Variants in WDR72 observed in about 807,000 individuals in gnomAD.
WDR72 encodes the protein WD repeat-containing protein 72.
Under a neutral mutation model 124.2 loss-of-function variants are expected in WDR72, and 120 were observed. That is an observed-to-expected ratio of 0.97 (90% CI 0.83 to 1.12). WDR72 has a LOEUF of 1.12. WDR72 is among the 50% of genes most tolerant of loss of function. The probability of loss-of-function intolerance (pLI) is 0.00; values close to 1 mark genes in which losing one functional copy is unlikely to be tolerated. For missense variants in WDR72, 1,387 were observed against 1,278.8 expected, an observed-to-expected ratio of 1.08 and a Z score of -1.29; for synonymous variants, 452 against 441.7, an observed-to-expected ratio of 1.02 and a Z score of -0.29.
chr15:53,661,085 T>A (rs1000543184), intron 14 of WDR72, among the ~76,000 whole-genome samples: 1 of 152,156 alleles, frequency 6.6e-6, no homozygotes, highest in Non-Finnish European at 1.5e-5. Context: ...TGAAGAATTG[T>A]CTATGGTCGC....
chr15:53,728,229 A>AG (rs1595877758), intron 2 of WDR72, among the ~76,000 whole-genome samples: 1 of 152,224 alleles, frequency 6.6e-6, no homozygotes, highest in African/African-American at 2.4e-5. Context: ...AGATATTGGC[A>AG]GGGAAACTCC....
rs1891438452 is a variant in WDR72 at position 53,515,964 on chromosome 15, C to T, written c.*1735G>A. 6.6e-6 allele frequency: 1 copy of T among 152,022 alleles called. No individual in the cohort carries two copies. The highest frequency in any genetic ancestry group is 6.6e-5 in the Admixed American group (1 of 15,256). The allele number at this position is 152,022 out of a possible 1,614,324, so 9.4% of individuals were successfully genotyped here. A position where few individuals can be genotyped will look rare whatever the true frequency, so the allele number is the denominator to read the frequency against. On this transcript the variant is annotated 3_prime_UTR_variant, in exon 20 of 20. Coordinates refer to ENST00000360509, the MANE Select transcript of WDR72 (RefSeq NM_182758.4). ...ACACTTATTTGATATTGCCATCCTTCAAAATGCTTTTGGGAGTCCTTATAA... is the reference window on the plus strand; with the variant it reads ...ACACTTATTTGATATTGCCATCCTTTAAAATGCTTTTGGGAGTCCTTATAA...
intron 14 of WDR72, among the ~76,000 whole-genome samples, chr15:53,623,721 C>T (rs2014096831): frequency 1.3e-5 from 2 of 152,134 alleles, no homozygotes; most frequent in African/African-American, 4.8e-5. Flanking sequence ...GAAATCTCCA[C>T]ACTGCCTTCC....
chr15:53,700,095 TA>T, intron 12 of WDR72, 150 bp from the exon 13 acceptor site: 1 of 874,668 alleles, frequency 1.1e-6, no homozygotes, highest in Non-Finnish European at 1.8e-6. Context: ...ACCTTTCATG[TA>T]ACCCTCTACA....
intron 19 of WDR72, among the ~76,000 whole-genome samples, chr15:53,519,726 C>G (rs1891679413): frequency 6.6e-6 from 1 of 151,986 alleles, no homozygotes; most frequent in South Asian, 2.1e-4. Flanking sequence ...GGGTATACAG[C>G]TTGAACCCAT....
intron 14 of WDR72, among the ~76,000 whole-genome samples, chr15:53,639,118 C>T (rs8031981): frequency 0.72 from 109,498 of 151,932 alleles, 39,529 homozygotes; most frequent in South Asian, 0.76. Context: ...TATCTAGATA[C>T]TACCTTTTCT....
chr15:53,656,328 CAG>C (rs2015419588), intron 14 of WDR72, among the ~76,000 whole-genome samples: 1 of 152,004 alleles, frequency 6.6e-6, no homozygotes, highest in African/African-American at 2.4e-5. Flanking sequence ...ACTATTAAAA[CAG>C]AATTCAGAAA....
chr15:53,757,020 G>T (rs745321534), intron 1 of WDR72, among the ~76,000 whole-genome samples: 28 of 152,006 alleles, frequency 1.8e-4, no homozygotes, highest in Non-Finnish European at 1.5e-5. Flanking sequence ...AAGTTCAAAG[G>T]GGCCCAAATG....
intron 15 of WDR72, among the ~76,000 whole-genome samples, chr15:53,614,861 C>T (rs967780773): frequency 6.6e-6 from 1 of 152,050 alleles, no homozygotes; most frequent in Non-Finnish European, 1.5e-5. Flanking sequence ...TCAAAAGCAA[C>T]AGTTATTACT....
At chr15:53,661,010 C>T (rs1567011340) in intron 14 of WDR72, among the ~76,000 whole-genome samples, 2 of 152,138 alleles carry the variant, frequency 1.3e-5, no homozygotes, top group Non-Finnish European at 2.9e-5. Flanking sequence ...ACAACCAGTG[C>T]ATCACCTCTA....
chr15:53,704,984 G>A lies in WDR72; in HGVS notation c.1348+4C>T. Reference sequence around the variant, plus strand: ...ATAAATAGGGTCAAATAAAATTCAAGGACCTTTTACTAAAGAACCACCTTC... The same window carrying A: ...ATAAATAGGGTCAAATAAAATTCAAAGACCTTTTACTAAAGAACCACCTTC... On this transcript the variant is annotated splice_donor_region_variant and intron_variant, in intron 11 of 19. Coordinates refer to ENST00000360509, the MANE Select transcript of WDR72 (RefSeq NM_182758.4). 2.5e-6 allele frequency: 4 copies of A among 1,613,592 alleles called. No homozygotes were observed. The South Asian group carries it at 3.3e-5, about 13-fold the overall frequency.
At chr15:53,735,024 T>G (rs1040154037) in intron 1 of WDR72, among the ~76,000 whole-genome samples, 2 of 152,208 alleles carry the variant, frequency 1.3e-5, no homozygotes, top group African/African-American at 4.8e-5. Flanking sequence ...CTAGGCGCAG[T>G]GTCTCAGGCC....
chr15:53,582,316 A>G (rs956722395), intron 18 of WDR72, among the ~76,000 whole-genome samples: 3 of 151,724 alleles, frequency 2.0e-5, no homozygotes, highest in Non-Finnish European at 2.9e-5. Flanking sequence ...AGTAAAACCT[A>G]CTCCTGTAGT....
At chr15:53,735,983 G>C (rs1157836472) in intron 1 of WDR72, among the ~76,000 whole-genome samples, 1 of 151,826 alleles carries the variant, frequency 6.6e-6, no homozygotes, top group African/African-American at 2.4e-5. Flanking sequence ...ATAGACCCAA[G>C]TGAAGGGAGA....
At chr15:53,600,065 A>AGTGT (rs2012974289) in intron 17 of WDR72, among the ~76,000 whole-genome samples, 1 of 152,182 alleles carries the variant, frequency 6.6e-6, no homozygotes, top group Admixed American at 6.6e-5. Flanking sequence ...ATTTAAACTC[A>AGTGT]GTGTGAGATG....
At chr15:53,595,168 C>CA (rs1335792817) in intron 18 of WDR72, among the ~76,000 whole-genome samples, 1 of 152,072 alleles carries the variant, frequency 6.6e-6, no homozygotes, top group African/African-American at 2.4e-5. Context: ...AGATTAACCA[C>CA]AAATTTTCTT....
chr15:53,677,122 G>A (rs1157542913), intron 13 of WDR72, among the ~76,000 whole-genome samples: 3 of 151,892 alleles, frequency 2.0e-5, no homozygotes, highest in Admixed American at 6.6e-5. Context: ...GGGTTTCACT[G>A]TGTTAGCCAG....
At chr15:53,641,359 G>C (rs2014843879) in intron 14 of WDR72, among the ~76,000 whole-genome samples, 1 of 151,914 alleles carries the variant, frequency 6.6e-6, no homozygotes, top group Non-Finnish European at 1.5e-5. Flanking sequence ...GTGTGTATTT[G>C]TGTGTGTATG....
At chr15:53,610,432 C>T (rs1252035110) in intron 16 of WDR72, among the ~76,000 whole-genome samples, 1 of 151,846 alleles carries the variant, frequency 6.6e-6, no homozygotes, top group Non-Finnish European at 1.5e-5. Flanking sequence ...AGGGCTTCTG[C>T]AAGCGGAAAA....
Sources: gnomAD v4.1 joint callset for allele counts (sites outside exome capture counted in the v4.1 genomes callset) on GRCh38, gnomAD v4.1.1 for gene constraint, MANE v1.5 for transcripts, NCBI Gene and HGNC (gene_info 2026-07-23, HGNC 2026-07-21) for gene names.